PUDP: variants seen among roughly 807,000 people sequenced by gnomAD.
The protein encoded by PUDP is pseudouridine 5'-phosphatase.
Under a neutral mutation model 9.4 loss-of-function variants are expected in PUDP, and 8 were observed. The observed-to-expected ratio is 0.85, with a 90% confidence interval of 0.50 to 1.53. PUDP has a LOEUF of 1.53. PUDP is among the 40% of genes most tolerant of loss of function. The probability of loss-of-function intolerance (pLI) is 0.00; values close to 1 mark genes in which losing one functional copy is unlikely to be tolerated. For missense variants in PUDP, 188 were observed against 189.7 expected (o/e 0.99, Z 0.05); for synonymous variants, 99 against 80.7 (o/e 1.23, Z -1.22).
intron 3 of PUDP, among the ~76,000 whole-genome samples, chrX:6,921,904 A>T (rs1928029107): frequency 9.0e-6 from 1 of 111,443 alleles, no homozygotes; most frequent in Non-Finnish European, 1.9e-5. Context: ...CCCCGGGCTC[A>T]TCTGTCAAAC....
intron 3 of PUDP, among the ~76,000 whole-genome samples, chrX:6,810,977 C>G (rs1289422077): frequency 9.0e-6 from 1 of 111,402 alleles, no homozygotes; most frequent in Non-Finnish European, 1.9e-5. Context: ...TAATTTATGC[C>G]TTGCTAGGGA....
At chrX:6,824,925 A>G (rs986280817) in intron 3 of PUDP, among the ~76,000 whole-genome samples, 3 of 112,244 alleles carry the variant, frequency 2.7e-5, no homozygotes, top group African/African-American at 9.7e-5. Flanking sequence ...CCCAGGTGGA[A>G]GACGGTTTGT....
intron 1 of PUDP, among the ~76,000 whole-genome samples, chrX:7,034,033 A>G (rs1369830642): frequency 8.9e-6 from 1 of 112,325 alleles, no homozygotes; most frequent in African/African-American, 3.2e-5. Context: ...GAACAGAGTC[A>G]GGGTCCTCAG....
chrX:6,937,323 C>T (rs1461847776), intron 3 of PUDP, among the ~76,000 whole-genome samples: 16 of 104,024 alleles, frequency 1.5e-4, no homozygotes, highest in South Asian at 9.4e-4. Flanking sequence ...TCAGAAATAA[C>T]GCCGCATATC....
intron 1 of PUDP, among the ~76,000 whole-genome samples, chrX:6,992,780 G>A (rs1189457861): frequency 9.0e-6 from 1 of 111,649 alleles, no homozygotes; most frequent in Non-Finnish European, 1.9e-5. Flanking sequence ...TGTTGCCAAG[G>A]AGATTAACAT....
intron 3 of PUDP, among the ~76,000 whole-genome samples, chrX:7,055,606 T>C (rs1778656108): frequency 9.0e-6 from 1 of 110,999 alleles, no homozygotes; most frequent in Admixed American, 9.6e-5. Context: ...AAAGATCTAA[T>C]GCACTTGTAA....
chrX:7,062,997 T>C (rs1930450788), intron 3 of PUDP, among the ~76,000 whole-genome samples: 1 of 107,693 alleles, frequency 9.3e-6, no homozygotes, highest in Non-Finnish European at 1.9e-5. Context: ...TTCAGATGGG[T>C]TGGTTACATG....
At chrX:6,780,078 G>C (rs12558569) in intron 3 of PUDP, among the ~76,000 whole-genome samples, 1 of 107,358 alleles carries the variant, frequency 9.3e-6, no homozygotes, top group African/African-American at 3.4e-5. Context: ...AAAAATATTA[G>C]GCATATTCAG....
intron 3 of PUDP, among the ~76,000 whole-genome samples, chrX:6,737,037 T>A (rs952967985): frequency 4.5e-5 from 5 of 111,281 alleles, no homozygotes; most frequent in African/African-American, 1.6e-4. Flanking sequence ...CAGAGAGACA[T>A]CTGTCACACA....
At chrX:7,040,281 C>G (rs201076002) in intron 1 of PUDP, among the ~76,000 whole-genome samples, 1 of 110,782 alleles carries the variant, frequency 9.0e-6, no homozygotes, top group Admixed American at 9.5e-5. Flanking sequence ...ACCCTCATGT[C>G]TGGGCACCTG....
intron 3 of PUDP, among the ~76,000 whole-genome samples, chrX:6,816,793 T>C (rs1417746268): frequency 1.0e-5 from 1 of 95,789 alleles, no homozygotes; most frequent in Admixed American, 1.3e-4. Context: ...ATATACTATA[T>C]AGTATATACA....
At chrX:6,776,233 T>A (rs1192122475) in intron 3 of PUDP, among the ~76,000 whole-genome samples, 1 of 110,824 alleles carries the variant, frequency 9.0e-6, no homozygotes, top group African/African-American at 3.3e-5. Flanking sequence ...AGGAACTTAT[T>A]AGAAACACAG....
chrX:6,920,741 T>G (rs1015460223), intron 3 of PUDP, among the ~76,000 whole-genome samples: 2 of 111,877 alleles, frequency 1.8e-5, no homozygotes, highest in African/African-American at 6.5e-5. Flanking sequence ...CTCCTTAAAA[T>G]GTATAAAACC....
At chrX:7,081,819 A>G (rs973047315) in intron 2 of PUDP, among the ~76,000 whole-genome samples, 4 of 113,128 alleles carry the variant, frequency 3.5e-5, no homozygotes, top group Non-Finnish European at 7.5e-5. Context: ...TGCCTGGAAA[A>G]TGACATGGGT....
rs764778196 is a variant in PUDP at position 7,050,330 on chromosome X, TG to T, written c.652del (p.Gln218SerfsTer101). On this transcript the variant is annotated frameshift_variant, in exon 4 of 4. Transcript: ENST00000381077. LOFTEE classifies it high-confidence loss of function. ...GGAGGGCAAACCAAACAGCTCGGGCTGGAAGTCCTGCAGGGAATTCAGCACC... is the reference window on the plus strand; with the variant it reads ...GGAGGGCAAACCAAACAGCTCGGGCTGAAGTCCTGCAGGGAATTCAGCACC... ...TLVLNSLQDFQPELFGLPSYE is the reference protein window; with the variant it reads ...TLVLNSLQDFXPELFGLPSYE 1.7e-6 allele frequency: 2 copies of T among 1,209,784 alleles called. No individual in the cohort carries two copies. Among genetic ancestry groups the T allele is most frequent in the Non-Finnish European group, 2.2e-6 (2 of 895,037 alleles).
intron 3 of PUDP, among the ~76,000 whole-genome samples, chrX:7,051,345 G>A (rs1930095407): frequency 9.0e-6 from 1 of 111,121 alleles, no homozygotes. Flanking sequence ...TAAGCTATGA[G>A]GATGGGAAGC....
rs1235081889 is a variant in PUDP, at chrX:6,988,929, C to A, written c.205-10586G>T. Among the ~76,000 whole-genome samples the A allele has an allele frequency of 3.6e-5, 4 of 111,300 alleles. No individual in the cohort carries two copies. The Admixed American group carries it at 3.8e-4, about 11-fold the overall frequency. Reference sequence around the variant, plus strand: ...CTTCACCACTCAGTCAGTGCTGAAACAGTTGTTACGGAGGCCTGCCTGTTC... The same window carrying A: ...CTTCACCACTCAGTCAGTGCTGAAAAAGTTGTTACGGAGGCCTGCCTGTTC... On this transcript the variant is annotated intron_variant and NMD_transcript_variant, in intron 1 of 3. Transcript: ENST00000655425.
chrX:6,935,278 A>T (rs1271216907), intron 3 of PUDP, among the ~76,000 whole-genome samples: 1 of 83,838 alleles, frequency 1.2e-5, no homozygotes, highest in Non-Finnish European at 2.3e-5. Flanking sequence ...ATTATAACAA[A>T]CTATCTCTCA....
At position 7,077,336 on chromosome X, in the gene PUDP, T is replaced by A. The variant is rs764938270; in HGVS notation, c.394A>T (p.Ser132Cys). The part of the protein sequence containing the change: ...MKTSRHKEFF[S>C]LFSHIVLGDD... ...CCCAGCACAATGTGGGAAAACAAGC[T>A]GAAGAACTCCTTGTGGCGGCTTGTC... Residue 132 changes from serine to cysteine, a missense_variant, in exon 3 of 4, where the codon AGC becomes TGC. Transcript: ENST00000381077. The A allele has an allele frequency of 2.7e-5, 33 of 1,209,098 alleles. No homozygotes were observed. In the African/African-American group the frequency reaches 3.0e-4, roughly 11 times the overall value.
Sources: gnomAD v4.1 joint callset for allele counts (sites outside exome capture counted in the v4.1 genomes callset) on GRCh38, gnomAD v4.1.1 for gene constraint, MANE v1.5 for transcripts, NCBI Gene and HGNC (gene_info 2026-07-23, HGNC 2026-07-21) for gene names.